Variants in AMBRA1 observed in about 807,000 individuals in gnomAD.
AMBRA1 encodes the protein autophagy and beclin 1 regulator 1.
AMBRA1 carries 47 observed loss-of-function variants against 125.4 expected under a neutral mutation model. That is an observed-to-expected ratio of 0.37 (90% CI 0.30 to 0.48). The LOEUF (loss-of-function observed/expected upper bound fraction) is 0.48, where lower values mean the gene tolerates loss of function less well. Among genes scored for constraint, AMBRA1 ranks in the 20% least tolerant of loss-of-function variants. AMBRA1 has a pLI of 0.99. For missense variants in AMBRA1, 1,331 were observed against 1,693.4 expected (o/e 0.79, Z 3.76); for synonymous variants, 626 against 655.5 (o/e 0.95, Z 0.69).
At position 46,406,461 on chromosome 11, in the gene AMBRA1, G is replaced by A. The variant is rs533596308; in HGVS notation, c.3403+2052C>T. On this transcript the variant is annotated intron_variant, in intron 17 of 17. Transcript: ENST00000683756. ...GGAGGCCAAGGTGGGAGGATCACTT[G>A]ATCCCAGGAGTTCAAGGCCAGCAAG... 4.7e-5 allele frequency among the ~76,000 whole-genome samples: 7 copies of A among 148,576 alleles called. No homozygotes were observed. In the East Asian group the frequency reaches 1.5e-3, roughly 31 times the overall value.
chr11:46,576,736 G>T (rs1457273447), intron 1 of AMBRA1, among the ~76,000 whole-genome samples: 1 of 152,086 alleles, frequency 6.6e-6, no homozygotes, highest in East Asian at 1.9e-4. Flanking sequence ...ATCCCTCCAA[G>T]AGATTATAAA....
chr11:46,572,128 C>T (rs945532194), intron 1 of AMBRA1, among the ~76,000 whole-genome samples: 19 of 152,070 alleles, frequency 1.2e-4, no homozygotes, highest in African/African-American at 4.3e-4. Flanking sequence ...TGATGAAATG[C>T]CGTCTCTACC....
At chr11:46,591,066 C>T (rs941531225) in intron 1 of AMBRA1, 1 of 152,186 alleles carries the variant, frequency 6.6e-6, no homozygotes, top group Admixed American at 6.5e-5. Flanking sequence ...TAAGCCTCTG[C>T]CAATTATTTC....
intron 7 of AMBRA1, among the ~76,000 whole-genome samples, chr11:46,515,336 G>C (rs1156943388): frequency 6.6e-6 from 1 of 152,126 alleles, no homozygotes; most frequent in African/African-American, 2.4e-5. Context: ...AGCCAGGCGT[G>C]GTGGTGCGTG....
At chr11:46,435,120 A>C (rs1554972800) in intron 12 of AMBRA1, 83 bp from the exon 13 acceptor site, 1 of 1,284,702 alleles carries the variant, frequency 7.8e-7, no homozygotes, top group Non-Finnish European at 1.1e-6. Flanking sequence ...AACTTTAGGG[A>C]CTTCCTAAGG....
At chr11:46,399,819 C>A (rs1945643938) in intron 17 of AMBRA1, among the ~76,000 whole-genome samples, 1 of 152,214 alleles carries the variant, frequency 6.6e-6, no homozygotes, top group Non-Finnish European at 1.5e-5. Flanking sequence ...CTGACCAGCA[C>A]AGGACCCAGG....
intron 1 of AMBRA1, among the ~76,000 whole-genome samples, chr11:46,564,728 T>C (rs2043462047): frequency 6.6e-6 from 1 of 152,202 alleles, no homozygotes; most frequent in Admixed American, 6.6e-5. Context: ...ACAAATTCTA[T>C]AATATCCATG....
At chr11:46,426,911 TA>T (rs1947165542) in intron 14 of AMBRA1, among the ~76,000 whole-genome samples, 1 of 152,154 alleles carries the variant, frequency 6.6e-6, no homozygotes, top group African/African-American at 2.4e-5. Flanking sequence ...GATACAAAAA[TA>T]AAATATCATT....
intron 1 of AMBRA1, among the ~76,000 whole-genome samples, chr11:46,593,212 C>T (rs558816388): frequency 6.6e-6 from 1 of 152,246 alleles, no homozygotes; most frequent in South Asian, 2.1e-4. Flanking sequence ...CAATAACTCA[C>T]TGTTTTCATA....
intron 1 of AMBRA1, among the ~76,000 whole-genome samples, chr11:46,581,426 T>G (rs2044165588): frequency 6.6e-6 from 1 of 151,768 alleles, no homozygotes; most frequent in South Asian, 2.1e-4. Context: ...GGCTAACACA[T>G]GAAACCCCGT....
intron 7 of AMBRA1, among the ~76,000 whole-genome samples, chr11:46,520,611 T>TG (rs1951714719): frequency 6.6e-6 from 1 of 151,444 alleles, no homozygotes; most frequent in Non-Finnish European, 1.5e-5. Flanking sequence ...TTTTTTTTTT[T>TG]TTGAGACGGA....
At position 46,397,512 on chromosome 11, in the gene AMBRA1, G is replaced by A; in HGVS notation, c.3835C>T (p.Leu1279=). The change falls in exon 18 of 18, where the codon CTG becomes TTG. Residue 1279 remains leucine (L), a synonymous_variant. Coordinates refer to ENST00000683756, the MANE Select transcript of AMBRA1 (RefSeq NM_001387011.1). ...TCCCCCCTGCTGCTGCCACCATCCA[G>A]AAGGTGGTTGTTATTGGTCAACTCG... ...HCELTNNNHL[L]DGGSSRGDAA... The A allele has an allele frequency of 2.6e-6, 4 of 1,534,820 alleles. No homozygotes were observed. The highest frequency in any genetic ancestry group is 2.6e-6 in the Non-Finnish European group (3 of 1,138,610).
chr11:46,454,532 G>A (rs370495397), intron 11 of AMBRA1, among the ~76,000 whole-genome samples: 2 of 144,118 alleles, frequency 1.4e-5, no homozygotes, highest in African/African-American at 2.6e-5. Flanking sequence ...TCAGGAGATC[G>A]AGACCATCCT....
intron 11 of AMBRA1, among the ~76,000 whole-genome samples, chr11:46,473,482 C>G (rs1949686346): frequency 6.6e-6 from 1 of 152,078 alleles, no homozygotes; most frequent in Non-Finnish European, 1.5e-5. Context: ...TGGATAAAGC[C>G]CTAACATAAA....
In AMBRA1 at chr11:46,417,912, C is replaced by T. The variant is rs773402062; in HGVS notation, c.3116+1G>A. 6.2e-7 allele frequency: 1 copy of T among 1,607,392 alleles called. No homozygotes were observed. The highest frequency in any genetic ancestry group is 8.5e-7 in the Non-Finnish European group (1 of 1,175,130). ...CAACCCCCACACTTTAAGCCACTTA[C>T]TCTGGTCGGCAGATCACCAGGTCTC... On this transcript the variant is annotated splice_donor_variant, in intron 15 of 17. Coordinates refer to ENST00000683756, the MANE Select transcript of AMBRA1 (RefSeq NM_001387011.1). LOFTEE classifies it high-confidence loss of function.
chr11:46,472,537 T>C (rs1220683651), intron 11 of AMBRA1, among the ~76,000 whole-genome samples: 1 of 152,184 alleles, frequency 6.6e-6, no homozygotes, highest in African/African-American at 2.4e-5. Context: ...TGGACAGAGG[T>C]TAAATGACTC....
intron 1 of AMBRA1, among the ~76,000 whole-genome samples, chr11:46,565,639 G>A (rs1311454891): frequency 3.3e-5 from 5 of 151,866 alleles, no homozygotes; most frequent in Admixed American, 6.6e-5. Context: ...CCTGAGAGGC[G>A]GAGGTTGCAA....
At chr11:46,572,037 T>C (rs1011701140) in intron 1 of AMBRA1, among the ~76,000 whole-genome samples, 1 of 152,118 alleles carries the variant, frequency 6.6e-6, no homozygotes, top group African/African-American at 2.4e-5. Flanking sequence ...GCGTGGTAGC[T>C]CACGCCTATA....
Position 46,397,459 on chromosome 11 carries a change from C to T in AMBRA1, c.3888G>A (p.Arg1296=). 2 of 1,506,128 alleles carry T rather than the reference C, an allele frequency of 1.3e-6. No individual in the cohort carries two copies. Among genetic ancestry groups the T allele is most frequent in the Non-Finnish European group, 1.8e-6 (2 of 1,126,070 alleles). The allele number at this position is 1,506,128 out of a possible 1,614,324, so 93.3% of individuals were successfully genotyped here. ...GDAAGPRGEP[R]NR is the part of the protein sequence containing the mutation. ...AGTGCAACGTTTGTCTCTACCTGTTCCGTGGTTCTCCCCTAGGGCCTGCAG... is the reference window on the plus strand; with the variant it reads ...AGTGCAACGTTTGTCTCTACCTGTTTCGTGGTTCTCCCCTAGGGCCTGCAG... The change falls in exon 18 of 18, where the codon CGG becomes CGA. Residue 1296 remains arginine, a synonymous_variant. Coordinates refer to ENST00000683756, the MANE Select transcript of AMBRA1 (RefSeq NM_001387011.1).
Sources: gnomAD v4.1 joint callset for allele counts (sites outside exome capture counted in the v4.1 genomes callset) on GRCh38, gnomAD v4.1.1 for gene constraint, MANE v1.5 for transcripts, NCBI Gene and HGNC (gene_info 2026-07-23, HGNC 2026-07-21) for gene names.